Variants in OGG1 observed in about 807,000 individuals in gnomAD.
The protein encoded by OGG1 is 8-oxoguanine DNA glycosylase.
OGG1 carries 35 observed loss-of-function variants against 42.3 expected under a neutral mutation model. The ratio of observed to expected loss-of-function variants is 0.83; its 90% CI spans 0.63 to 1.10. The LOEUF is 1.10. Ranked by LOEUF, OGG1 falls within the 50% of genes least tolerant of loss-of-function variation. The pLI, the probability that OGG1 is intolerant of heterozygous loss-of-function variation, is 0.00. For synonymous variants in OGG1, 189 were observed against 179.0 expected (o/e 1.06, Z -0.44); for missense variants, 484 against 446.7 (o/e 1.08, Z -0.75).
chr3:9,756,713 G>A, intron 5 of OGG1, 54 bp from the exon 6 acceptor site: 1 of 1,614,072 alleles, frequency 6.2e-7, no homozygotes, highest in Non-Finnish European at 8.5e-7. Flanking sequence ...CCCTACTTCT[G>A]TTGATGGGTC....
intron 3 of OGG1, among the ~76,000 whole-genome samples, chr3:9,782,149 C>T (rs1401407903): frequency 6.6e-6 from 1 of 152,148 alleles, no homozygotes; most frequent in Non-Finnish European, 1.5e-5. Context: ...GGGCCCACTA[C>T]TTCTGTAACT....
downstream of OGG1, chr3:9,761,953 G>T (rs1354036193): frequency 5.8e-6 from 4 of 691,382 alleles, no homozygotes; most frequent in African/African-American, 1.8e-5. Flanking sequence ...AGAGGGTGTG[G>T]GGGGGAACTG....
At chr3:9,777,787 C>A (rs1037913799) in intron 2 of OGG1, among the ~76,000 whole-genome samples, 2 of 152,162 alleles carry the variant, frequency 1.3e-5, no homozygotes, top group African/African-American at 4.8e-5. Flanking sequence ...TGTCTCTGTT[C>A]TTGGAACTCT....
chr3:9,786,890 C>T (rs2078627085), intron 3 of OGG1: 1 of 942,768 alleles, frequency 1.1e-6, no homozygotes, highest in Non-Finnish European at 1.6e-6. Context: ...TTTACTTTTG[C>T]ACCAACCTAT....
In OGG1 at chr3:9,750,309, C is replaced by T. The variant is rs754701566; in HGVS notation, c.23C>T (p.Pro8Leu). The change falls in exon 1 of 7, where the codon CCC becomes CTC. Residue 8 changes from proline (P) to leucine (L), a missense_variant. Pro to Leu is a moderately conservative substitution (Grantham distance 98). Coordinates refer to ENST00000344629, the MANE Select transcript of OGG1 (RefSeq NM_002542.6). ...GAAATGCCTGCCCGCGCGCTTCTGCCCAGGCGCATGGGGCATCGTACTCTA... is the reference window on the plus strand; with the variant it reads ...GAAATGCCTGCCCGCGCGCTTCTGCTCAGGCGCATGGGGCATCGTACTCTA... MPARALL[P>L]RRMGHRTLAS... is the part of the protein sequence containing the mutation. 1 of 1,612,850 alleles carries T rather than the reference C, an allele frequency of 6.2e-7. No individual in the cohort carries two copies. The highest frequency in any genetic ancestry group is 8.5e-7 in the Non-Finnish European group (1 of 1,179,440).
At position 9,754,822 on chromosome 3, in the gene OGG1, A is replaced by G. The variant is rs561770739; in HGVS notation, c.684A>G (p.Leu228=). The G allele has an allele frequency of 6.2e-7, 1 of 1,612,208 alleles. No individual in the cohort carries two copies. Among genetic ancestry groups the G allele is most frequent in the South Asian group, 1.1e-5 (1 of 90,520 alleles). ...EQGGLAWLQQ[L]RESSYEEAHK... ...GCGGGCTAGCCTGGCTGCAGCAGCT[A>G]CGAGAGTCCTCATATGAGGAGGCCC... The change falls in exon 4 of 7, where the codon CTA becomes CTG. Residue 228 remains leucine, a synonymous_variant. Transcript: ENST00000344629.
intron 4 of OGG1, 26 bp downstream of exon 4, chr3:9,754,911 C>A: frequency 6.4e-7 from 1 of 1,555,318 alleles, no homozygotes; most frequent in Non-Finnish European, 8.7e-7. Context: ...GTAGGAGCTG[C>A]CCTCTCTACT....
downstream of OGG1, chr3:9,789,753 T>C (rs778675850): frequency 1.2e-5 from 20 of 1,614,156 alleles, no homozygotes; most frequent in Non-Finnish European, 1.6e-5. Flanking sequence ...GGCACGTCGA[T>C]AGGGTCATCA....
At chr3:9,756,733 G>T in intron 5 of OGG1, 34 bp from the exon 6 acceptor site, 1 of 1,614,128 alleles carries the variant, frequency 6.2e-7, no homozygotes, top group Non-Finnish European at 8.5e-7. Flanking sequence ...CACAGAAGGG[G>T]TCAGATAACT....
At chr3:9,769,768 G>A, downstream of OGG1, 1 of 152,288 alleles carries the variant, frequency 6.6e-6, no homozygotes, top group Non-Finnish European at 1.5e-5. Context: ...ATACCCAGAG[G>A]CTAGGGGCTC....
rs763914177 is a variant in OGG1 at position 9,750,945 on chromosome 3, G to C, written c.138G>C (p.Arg46=). The C allele has an allele frequency of 6.2e-7, 1 of 1,613,868 alleles. No homozygotes were observed. The highest frequency in any genetic ancestry group is 8.5e-7 in the Non-Finnish European group (1 of 1,180,006). The change falls in exon 2 of 7, where the codon CGG becomes CGC. Residue 46 remains arginine, a splice_region_variant and synonymous_variant. Transcript: ENST00000344629. ...DLVLPSGQSF[R]WREQSPAHWS... is the part of the protein sequence containing the mutation. ...GGGTTGTCATGTGCCTTGGGCTCAG[G>C]TGGAGGGAGCAAAGTCCTGCACACT... is the stretch of plus-strand genomic sequence containing the variant.
chr3:9,760,699 C>T (rs945881488), downstream of OGG1: 86 of 1,614,002 alleles, frequency 5.3e-5, no homozygotes, highest in Non-Finnish European at 6.9e-5. Context: ...CAAACTCGTA[C>T]TCGGCCTTCA....
intron 2 of OGG1, among the ~76,000 whole-genome samples, chr3:9,777,144 C>T (rs764172439): frequency 7.2e-5 from 11 of 152,206 alleles, no homozygotes; most frequent in African/African-American, 2.7e-4. Flanking sequence ...CTCACTCACC[C>T]TGGTGTTGCT....
In OGG1 at chr3:9,781,703, GT is replaced by G. The variant is rs1368942231; in HGVS notation, c.382+107del. On this transcript the variant is annotated intron_variant, in intron 3 of 3. Coordinates refer to the OGG1 transcript ENST00000426518. Reference sequence around the variant, plus strand: ...CTTAGTGATTGAGTCCAGCCTGCCAGTTTTCCAGAAGGGGAAGGAGATGCTC... The same window carrying G: ...CTTAGTGATTGAGTCCAGCCTGCCAGTTTCCAGAAGGGGAAGGAGATGCTC... 9.4e-6 allele frequency: 4 copies of G among 424,724 alleles called. No homozygotes were observed. In the East Asian group the frequency reaches 2.9e-4, roughly 31 times the overall value. The allele number at this position is 424,724 out of a possible 1,614,324, so 26.3% of individuals were successfully genotyped here.
intron 3 of OGG1, chr3:9,785,447 T>A: frequency 6.4e-7 from 1 of 1,555,496 alleles, no homozygotes; most frequent in African/African-American, 1.4e-5. Context: ...CAAAAATGAG[T>A]GGAAGGAAAA....
intron 4 of OGG1, among the ~76,000 whole-genome samples, chr3:9,755,180 C>T (rs2077480126): frequency 6.6e-6 from 1 of 151,988 alleles, no homozygotes; most frequent in Admixed American, 6.6e-5. Flanking sequence ...ATAATAGTTT[C>T]CTTGGGGGAG....
downstream of OGG1, chr3:9,757,458 A>T (rs2077632155): frequency 1.2e-6 from 2 of 1,601,854 alleles, no homozygotes; most frequent in Admixed American, 1.7e-5. The surrounding 1 kb of genome is among the most constrained non-coding windows in gnomAD (Gnocchi z 4.5). Context: ...GGGCAGAGAA[A>T]CTCCCGGTTC....
downstream of OGG1, chr3:9,767,774 C>T (rs1011361815): frequency 1.9e-6 from 3 of 1,613,516 alleles, no homozygotes; most frequent in Admixed American, 5.0e-5. Context: ...CGACCACAGC[C>T]AGGGCTCCTG....
chr3:9,756,407 A>G (rs746681901), intron 4 of OGG1, 64 bp from the exon 5 acceptor site: 4 of 1,577,310 alleles, frequency 2.5e-6, no homozygotes, highest in South Asian at 1.1e-5. Context: ...CTTTGGGGCT[A>G]TAAGCAAGAT....
Sources: gnomAD v4.1 joint callset for allele counts (sites outside exome capture counted in the v4.1 genomes callset) on GRCh38, gnomAD v4.1.1 for gene constraint, Gnocchi (gnomAD v3.1) non-coding constraint, MANE v1.5 for transcripts, NCBI Gene and HGNC (gene_info 2026-07-23, HGNC 2026-07-21) for gene names.